Variants in MCC observed in about 807,000 individuals in gnomAD.
MCC encodes the protein MCC regulator of Wnt signaling pathway.
MCC carries 90 observed loss-of-function variants against 116.2 expected under a neutral mutation model. The observed-to-expected ratio is 0.77, with a 90% CI of 0.65 to 0.92. The LOEUF is 0.92. MCC is among the 40% of genes least tolerant of loss of function. MCC has a pLI of 0.00. For missense variants in MCC, 1,516 were observed against 1,312.2 expected (o/e 1.16, Z -2.40); for synonymous variants, 578 against 510.5 (o/e 1.13, Z -1.78).
chr5:113,196,590 C>T (rs1362189806), intron 3 of MCC, among the ~76,000 whole-genome samples: 2 of 152,164 alleles, frequency 1.3e-5, no homozygotes, highest in African/African-American at 2.4e-5. Flanking sequence ...GTGGCTCACG[C>T]CTATAATCCC....
chr5:113,316,056 GACC>G (rs1487401110), intron 3 of MCC, among the ~76,000 whole-genome samples: 1 of 152,090 alleles, frequency 6.6e-6, no homozygotes, highest in Non-Finnish European at 1.5e-5. Context: ...AGGAGTTTGA[GACC>G]AGCCTGACCA....
At chr5:113,262,432 A>C (rs1765251697) in intron 3 of MCC, among the ~76,000 whole-genome samples, 1 of 152,172 alleles carries the variant, frequency 6.6e-6, no homozygotes, top group African/African-American at 2.4e-5. Flanking sequence ...CAAACCTGTT[A>C]GGGCTGGGCC....
intron 8 of MCC, among the ~76,000 whole-genome samples, chr5:113,096,008 C>T (rs538445454): frequency 8.5e-5 from 13 of 152,248 alleles, no homozygotes; most frequent in African/African-American, 2.6e-4. Flanking sequence ...TTGGGAGCCC[C>T]GGGGTGCCTG....
chr5:113,112,002 T>C (rs1411493287), intron 6 of MCC, among the ~76,000 whole-genome samples: 1 of 152,114 alleles, frequency 6.6e-6, no homozygotes, highest in Non-Finnish European at 1.5e-5. Context: ...ACAAGCCCTG[T>C]AAAAATCCTA....
chr5:113,466,171 CT>C (rs11400769), intron 1 of MCC, among the ~76,000 whole-genome samples: 55,317 of 149,444 alleles, frequency 0.37, 12,732 homozygotes, highest in East Asian at 0.69. Context: ...AGTAGCCATT[CT>C]TTTTTTTTTT....
At chr5:113,456,060 T>C (rs1035370391) in intron 1 of MCC, among the ~76,000 whole-genome samples, 2 of 152,216 alleles carry the variant, frequency 1.3e-5, no homozygotes, top group African/African-American at 4.8e-5. Flanking sequence ...ATGTGACACA[T>C]ATGTAGGTTA....
At chr5:113,289,860 T>C (rs1017949592) in intron 3 of MCC, among the ~76,000 whole-genome samples, 7 of 152,230 alleles carry the variant, frequency 4.6e-5, no homozygotes, top group Non-Finnish European at 1.0e-4. Context: ...CACCAGGTCT[T>C]GACCCTGCTC....
At position 113,206,209 on chromosome 5, in the gene MCC, C is replaced by T. The variant is rs189107069; in HGVS notation, c.628-54787G>A. On this transcript the variant is annotated intron_variant, in intron 3 of 18. Transcript: ENST00000408903. Reference sequence around the variant, plus strand: ...GCACTTTCCCAAGAAAGGCAGCATCCAAGCTTTACTGAGTGCCCTGGTCCT... The same window carrying T: ...GCACTTTCCCAAGAAAGGCAGCATCTAAGCTTTACTGAGTGCCCTGGTCCT... 2.4e-3 allele frequency among the ~76,000 whole-genome samples: 365 copies of T among 152,316 alleles called. 1 individual carries two copies. The highest frequency in any genetic ancestry group is 4.4e-3 in the Non-Finnish European group (298 of 68,018).
At chr5:113,333,271 G>GT (rs1343636750) in intron 3 of MCC, among the ~76,000 whole-genome samples, 1 of 151,634 alleles carries the variant, frequency 6.6e-6, no homozygotes, top group Non-Finnish European at 1.5e-5. Context: ...CAATAATGTT[G>GT]TATCAAGTTT....
intron 3 of MCC, among the ~76,000 whole-genome samples, chr5:113,281,687 TG>T (rs1307814106): frequency 6.6e-6 from 1 of 152,206 alleles, no homozygotes; most frequent in Non-Finnish European, 1.5e-5. Flanking sequence ...TGACACTATT[TG>T]GATAAACATT....
At chr5:113,437,084 C>CAAAAAAAAAA (rs201196438) in intron 1 of MCC, 1 of 133,476 alleles carries the variant, frequency 7.5e-6, no homozygotes. Flanking sequence ...GAAATCTCTT[C>CAAAAAAAAAA]AAAAAAAAAA....
chr5:113,320,062 T>C (rs1293030079), intron 3 of MCC, among the ~76,000 whole-genome samples: 2 of 152,266 alleles, frequency 1.3e-5, no homozygotes, highest in African/African-American at 4.8e-5. Context: ...TCAAACAGAA[T>C]GATCAAAAGA....
chr5:113,431,588 A>T (rs67303814), intron 1 of MCC, among the ~76,000 whole-genome samples: 27,945 of 152,146 alleles, frequency 0.18, 3,054 homozygotes, highest in Admixed American at 0.31. Flanking sequence ...AGAAAGCTAG[A>T]GGCAGAGATG....
At chr5:113,213,436 G>A (rs1763201893) in intron 3 of MCC, among the ~76,000 whole-genome samples, 2 of 152,204 alleles carry the variant, frequency 1.3e-5, no homozygotes, top group Admixed American at 1.3e-4. Flanking sequence ...GTCTCACAGT[G>A]TTCATGGCTT....
At chr5:113,368,459 C>T (rs959133540) in intron 2 of MCC, among the ~76,000 whole-genome samples, 4 of 152,150 alleles carry the variant, frequency 2.6e-5, no homozygotes, top group South Asian at 2.1e-4. Context: ...ATTATCTGAA[C>T]GGTGAACATC....
chr5:113,330,518 T>C (rs1767673819), intron 3 of MCC, among the ~76,000 whole-genome samples: 1 of 152,218 alleles, frequency 6.6e-6, no homozygotes, highest in Non-Finnish European at 1.5e-5. Context: ...GTCATTAAGA[T>C]GTTAATGCTG....
At chr5:113,162,344 C>G (rs1760534800) in intron 3 of MCC, among the ~76,000 whole-genome samples, 1 of 152,250 alleles carries the variant, frequency 6.6e-6, no homozygotes, top group East Asian at 1.9e-4. Flanking sequence ...CTTTGGGTAA[C>G]TCGTTTAACT....
At chr5:113,028,383 T>TCG (rs1750721250) in intron 18 of MCC, among the ~76,000 whole-genome samples, 1 of 151,746 alleles carries the variant, frequency 6.6e-6, no homozygotes, top group African/African-American at 2.4e-5. Flanking sequence ...AAATGCCATT[T>TCG]TTTTTTTTGT....
At chr5:113,326,943 G>A (rs1767570423) in intron 3 of MCC, among the ~76,000 whole-genome samples, 1 of 152,110 alleles carries the variant, frequency 6.6e-6, no homozygotes, top group Admixed American at 6.5e-5. Context: ...TCCTTGCAAG[G>A]AATGCTTTTA....
Sources: allele counts gnomAD v4.1 joint callset (sites outside exome capture counted in the v4.1 genomes callset), GRCh38; gene constraint gnomAD v4.1.1; transcripts MANE v1.5; gene names NCBI Gene and HGNC (gene_info 2026-07-23, HGNC 2026-07-21).